Variants in RALGAPA1 observed in about 807,000 individuals in gnomAD.
The protein encoded by RALGAPA1 is ral GTPase-activating protein subunit alpha-1.
In RALGAPA1, 52 loss-of-function variants were observed where a neutral mutation model predicts 269.6. The observed-to-expected ratio is 0.19, with a 90% CI of 0.15 to 0.24. RALGAPA1 has a LOEUF of 0.24. RALGAPA1 is among the 10% of genes least tolerant of loss of function. RALGAPA1 has a pLI of 1.00. For missense variants in RALGAPA1, 1,917 were observed against 3,013.9 expected (o/e 0.64, Z 8.52); for synonymous variants, 817 against 1,008.3 (o/e 0.81, Z 3.60).
At chr14:35,679,438 T>A (rs1213571746) in intron 21 of RALGAPA1, among the ~76,000 whole-genome samples, 1 of 152,212 alleles carries the variant, frequency 6.6e-6, no homozygotes, top group East Asian at 1.9e-4. Context: ...CAACTGAACA[T>A]CATAGCTTAG....
intron 37 of RALGAPA1, among the ~76,000 whole-genome samples, chr14:35,594,926 G>A (rs1346974634): frequency 6.6e-6 from 1 of 152,014 alleles, no homozygotes; most frequent in Non-Finnish European, 1.5e-5. Context: ...TTGATAAACT[G>A]TGGTATATAT....
intron 17 of RALGAPA1, among the ~76,000 whole-genome samples, chr14:35,694,073 T>C (rs1328708210): frequency 6.6e-6 from 1 of 151,714 alleles, no homozygotes; most frequent in Non-Finnish European, 1.5e-5. Flanking sequence ...TAAATACTGG[T>C]AGAAGAAAAG....
At chr14:35,757,000 TG>T in intron 6 of RALGAPA1, 92 bp from the exon 7 acceptor site, 1 of 1,140,470 alleles carries the variant, frequency 8.8e-7, no homozygotes, top group Non-Finnish European at 1.1e-6. Context: ...AAAATGAGTA[TG>T]CAATGAAAAT....
At chr14:35,644,711 T>C (rs1389265922) in intron 31 of RALGAPA1, among the ~76,000 whole-genome samples, 1 of 152,116 alleles carries the variant, frequency 6.6e-6, no homozygotes, top group African/African-American at 2.4e-5. Context: ...CGGGGAAGGA[T>C]GGACTGAATC....
chr14:35,738,283 A>G (rs1227322974), intron 12 of RALGAPA1, among the ~76,000 whole-genome samples: 1 of 152,056 alleles, frequency 6.6e-6, no homozygotes, highest in African/African-American at 2.4e-5. Context: ...TCAGTTGCAG[A>G]TGACAGTACA....
intron 16 of RALGAPA1, among the ~76,000 whole-genome samples, chr14:35,710,651 C>T (rs540794999): frequency 2.0e-5 from 3 of 152,204 alleles, no homozygotes; most frequent in South Asian, 2.1e-4. Context: ...AATGATGTTT[C>T]GGTCACCAAC....
chr14:35,717,172 C>A (rs563045061), intron 16 of RALGAPA1, among the ~76,000 whole-genome samples: 1 of 152,016 alleles, frequency 6.6e-6, no homozygotes, highest in Non-Finnish European at 1.5e-5. Flanking sequence ...TTTTTTGAGA[C>A]GGAGTTTCGC....
chr14:35,734,994 A>C (rs1212242066), intron 12 of RALGAPA1, among the ~76,000 whole-genome samples: 1 of 152,010 alleles, frequency 6.6e-6, no homozygotes, highest in Non-Finnish European at 1.5e-5. Flanking sequence ...TCAAAACCAC[A>C]ATGCGATACC....
intron 12 of RALGAPA1, among the ~76,000 whole-genome samples, chr14:35,729,298 G>A (rs1177710880): frequency 6.6e-6 from 1 of 152,096 alleles, no homozygotes; most frequent in East Asian, 1.9e-4. Flanking sequence ...TTATCACTAT[G>A]TATGCAGAAA....
At chr14:35,765,811 A>T in intron 4 of RALGAPA1, 1 of 553,918 alleles carries the variant, frequency 1.8e-6, no homozygotes. Context: ...TTACTGTCTT[A>T]CATGTGCATC....
At chr14:35,756,677 C>A in intron 7 of RALGAPA1, 116 bp downstream of exon 7, 1 of 687,184 alleles carries the variant, frequency 1.5e-6, no homozygotes, top group Non-Finnish European at 2.3e-6. Context: ...TCCAACCTCC[C>A]TGACAAAAAG....
At chr14:35,583,581 G>C (rs973843795) in intron 37 of RALGAPA1, among the ~76,000 whole-genome samples, 1 of 152,162 alleles carries the variant, frequency 6.6e-6, no homozygotes, top group Non-Finnish European at 1.5e-5. Context: ...CTTAATGTCA[G>C]TCATAAACCC....
chr14:35,675,579 G>C (rs954916475), intron 22 of RALGAPA1, among the ~76,000 whole-genome samples: 1 of 152,150 alleles, frequency 6.6e-6, no homozygotes, highest in Admixed American at 6.5e-5. Context: ...GGTAATCTTA[G>C]TTCTAGTCTC....
At chr14:35,651,663 T>C in intron 31 of RALGAPA1, 142 bp downstream of exon 31, 2 of 635,856 alleles carry the variant, frequency 3.1e-6, no homozygotes, top group Non-Finnish European at 4.7e-6. Context: ...TATACTTAAA[T>C]AACAGAAAGG....
chr14:35,772,208 T>C (rs1054093776), intron 3 of RALGAPA1, among the ~76,000 whole-genome samples: 15 of 152,264 alleles, frequency 9.9e-5, no homozygotes, highest in Non-Finnish European at 2.1e-4. Context: ...TGTGCCACCA[T>C]GCCCAGCTAA....
intron 17 of RALGAPA1, among the ~76,000 whole-genome samples, chr14:35,691,626 A>G (rs1372997276): frequency 6.6e-6 from 1 of 152,238 alleles, no homozygotes; most frequent in Non-Finnish European, 1.5e-5. Flanking sequence ...GGAGATAGTC[A>G]TTCAAAGTAT....
intron 21 of RALGAPA1, among the ~76,000 whole-genome samples, chr14:35,683,289 T>C (rs1354092653): frequency 1.3e-5 from 2 of 152,150 alleles, no homozygotes; most frequent in Non-Finnish European, 2.9e-5. Flanking sequence ...ATGTAAAAAG[T>C]TTCCAAAAAG....
Position 35,671,417 on chromosome 14 carries a change from C to A in RALGAPA1, c.5174G>T (p.Gly1725Val). 2 of 1,611,140 alleles carry A rather than the reference C, an allele frequency of 1.2e-6. No homozygotes were observed. The highest frequency in any genetic ancestry group is 1.7e-6 in the Non-Finnish European group (2 of 1,178,828). The part of the protein sequence containing the change: ...MLIMDFIVAA[G>V]RVASSAFLNA... ...GAGAAAAGCTGAAGAAGCCACTCTA[C>A]CAGCTGCTACAATAAAATCCATAAT... The change falls in exon 26 of 42, where the codon GGT becomes GTT. Residue 1725 changes from glycine to valine, a missense_variant. Physicochemically the swap from Gly to Val is moderately radical, Grantham distance 109. Coordinates refer to ENST00000680220, the MANE Select transcript of RALGAPA1 (RefSeq NM_001346249.2).
intron 1 of RALGAPA1, among the ~76,000 whole-genome samples, chr14:35,782,102 A>G (rs11850310): frequency 0.17 from 26,214 of 152,154 alleles, 2,583 homozygotes; most frequent in African/African-American, 0.26. Context: ...AAAAAATCCT[A>G]TCTGACTGAC....
Sources: gnomAD v4.1 joint callset for allele counts (sites outside exome capture counted in the v4.1 genomes callset) on GRCh38, gnomAD v4.1.1 for gene constraint, MANE v1.5 for transcripts, NCBI Gene and HGNC (gene_info 2026-07-23, HGNC 2026-07-21) for gene names.